Variants in CALN1 observed in about 807,000 individuals in gnomAD.
The protein encoded by CALN1 is calneuron 1.
A neutral mutation model predicts 30.6 loss-of-function variants in CALN1; 17 were observed. That is an observed-to-expected ratio of 0.56 (90% CI 0.38 to 0.83). The LOEUF (loss-of-function observed/expected upper bound fraction) is 0.83. CALN1 is among the 40% of genes least tolerant of loss of function. The probability of loss-of-function intolerance (pLI) is 0.00; values close to 1 mark genes in which losing one functional copy is unlikely to be tolerated. For synonymous variants in CALN1, 156 were observed against 131.4 expected (o/e 1.19, Z -1.28); for missense variants, 291 against 354.9 (o/e 0.82, Z 1.45).
At chr7:72,076,599 G>GA (rs1277903813) in intron 4 of CALN1, among the ~76,000 whole-genome samples, 13 of 29,436 alleles carry the variant, frequency 4.4e-4, no homozygotes, top group East Asian at 1.7e-3. Flanking sequence ...ACTCCGTCTA[G>GA]AAAAAAAAAA....
intron 2 of CALN1, among the ~76,000 whole-genome samples, chr7:72,341,494 G>C (rs923221522): frequency 6.6e-6 from 1 of 152,182 alleles, no homozygotes; most frequent in Non-Finnish European, 1.5e-5. Flanking sequence ...CTGCACTCCA[G>C]TCTGGGCAAC....
chr7:72,091,384 TAA>T (rs1032830589), intron 4 of CALN1, among the ~76,000 whole-genome samples: 1 of 151,530 alleles, frequency 6.6e-6, no homozygotes, highest in African/African-American at 2.4e-5. Flanking sequence ...TCAAAATAAC[TAA>T]AAGAGTGCAA....
At chr7:71,898,603 C>T (rs1485407127) in intron 5 of CALN1, among the ~76,000 whole-genome samples, 1 of 152,086 alleles carries the variant, frequency 6.6e-6, no homozygotes, top group African/African-American at 2.4e-5. Context: ...CTAAAATATA[C>T]AAGCCATGGT....
chr7:72,036,742 GTCTT>G lies in CALN1; in HGVS notation c.389-12977_389-12974del, dbSNP rs1378015196. On this transcript the variant is annotated intron_variant, in intron 4 of 6. Transcript: ENST00000395275. ...AAATTATTTTCTTGACTTTCTCAAT[GTCTT>G]TCTTTATTCTTTGTGTATTCGATCT... Among the ~76,000 whole-genome samples, 5 of 151,868 alleles carry G rather than the reference GTCTT, an allele frequency of 3.3e-5. No individual in the cohort carries two copies. In the East Asian group the frequency reaches 9.7e-4, roughly 29 times the overall value.
In CALN1 at chr7:71,781,881, G is replaced by A. The variant is rs1192949164; in HGVS notation, c.*5894C>T. On this transcript the variant is annotated 3_prime_UTR_variant, in exon 7 of 7. Coordinates refer to ENST00000395275, the MANE Select transcript of CALN1 (RefSeq NM_031468.4). ...TTCCACTTTCAGAGGACTGTCTTGT[G>A]GGTGGGACTGGAAAAACCTCATTCT... 6.6e-6 allele frequency: 1 copy of A among 152,194 alleles called. No individual in the cohort carries two copies. Among genetic ancestry groups the A allele is most frequent in the Admixed American group, 6.5e-5 (1 of 15,276 alleles). The allele number at this position is 152,194 out of a possible 1,614,324, so 9.4% of individuals were successfully genotyped here.
intron 3 of CALN1, among the ~76,000 whole-genome samples, chr7:72,273,550 T>C (rs1171442847): frequency 7.0e-6 from 1 of 143,072 alleles, no homozygotes; most frequent in African/African-American, 2.6e-5. Context: ...TCTTTCTTTC[T>C]CACCAAGGCT....
intron 3 of CALN1, among the ~76,000 whole-genome samples, chr7:72,185,884 T>C (rs1046094084): frequency 2.0e-5 from 3 of 152,248 alleles, no homozygotes; most frequent in African/African-American, 7.2e-5. Flanking sequence ...TTCACAGCCA[T>C]GTGGAACTGT....
chr7:72,393,523 T>C (rs1805718413), intron 2 of CALN1, among the ~76,000 whole-genome samples: 1 of 152,172 alleles, frequency 6.6e-6, no homozygotes, highest in Non-Finnish European at 1.5e-5. Context: ...AGTATGTTTT[T>C]AACAGTACAA....
intron 5 of CALN1, among the ~76,000 whole-genome samples, chr7:71,911,939 C>T (rs1303477875): frequency 6.6e-6 from 1 of 152,044 alleles, no homozygotes; most frequent in Non-Finnish European, 1.5e-5. Context: ...AGGGGCTTCA[C>T]CAAATCCCAG....
intron 3 of CALN1, among the ~76,000 whole-genome samples, chr7:72,132,205 C>T (rs1809198682): frequency 6.6e-6 from 1 of 152,124 alleles, no homozygotes; most frequent in Non-Finnish European, 1.5e-5. Context: ...TTTAATACAC[C>T]TAACCTACTG....
At chr7:71,853,332 A>G (rs1396002241) in intron 5 of CALN1, among the ~76,000 whole-genome samples, 2 of 152,070 alleles carry the variant, frequency 1.3e-5, no homozygotes, top group Non-Finnish European at 2.9e-5. Flanking sequence ...AAAATTGTAT[A>G]TATTATTATT....
intron 4 of CALN1, among the ~76,000 whole-genome samples, chr7:72,103,882 T>C (rs860013): frequency 0.75 from 113,465 of 151,924 alleles, 42,615 homozygotes; most frequent in East Asian, 0.97. Context: ...GCTCCAAAGC[T>C]TGCGGGTTAT....
intron 1 of CALN1, among the ~76,000 whole-genome samples, chr7:72,410,806 C>T (rs886519112): frequency 6.0e-5 from 8 of 132,652 alleles, no homozygotes; most frequent in African/African-American, 9.0e-5. Context: ...AGCACCCTAC[C>T]TTCTTACTTT....
chr7:72,164,650 A>C (rs1788389383), intron 3 of CALN1, among the ~76,000 whole-genome samples: 1 of 152,148 alleles, frequency 6.6e-6, no homozygotes, highest in South Asian at 2.1e-4. Flanking sequence ...GGCAGCCCAG[A>C]AACATGGTTA....
At chr7:72,212,214 T>C (rs1401266777) in intron 3 of CALN1, among the ~76,000 whole-genome samples, 2 of 151,960 alleles carry the variant, frequency 1.3e-5, no homozygotes, top group East Asian at 1.9e-4. Context: ...CCAGGCGTGG[T>C]GGCAGGCACC....
rs1181933030 is a variant in CALN1, at chr7:72,098,764, G to GCACA, written c.388+7383_388+7386dup. Reference sequence around the variant, plus strand: ...CTGAGCAGTTCAGCCCATTTGGCGCGCACACACACACACACACACACACAC... The same window carrying GCACA: ...CTGAGCAGTTCAGCCCATTTGGCGCGCACACACACACACACACACACACACACAC... On this transcript the variant is annotated intron_variant, in intron 4 of 6. Transcript: ENST00000395275. Among the ~76,000 whole-genome samples the GCACA allele has an allele frequency of 3.1e-3, 440 of 142,814 alleles. 2 individuals carry two copies. Among genetic ancestry groups the GCACA allele is most frequent in the African/African-American group, 0.011 (421 of 37,966 alleles). The allele number at this position is 142,814 out of a possible 152,430, so 93.7% of individuals were successfully genotyped here. A position where few individuals can be genotyped will look rare whatever the true frequency, so the allele number is the denominator to read the frequency against.
intron 5 of CALN1, among the ~76,000 whole-genome samples, chr7:71,894,472 G>T (rs1004113463): frequency 6.6e-5 from 10 of 151,970 alleles, no homozygotes; most frequent in Admixed American, 1.3e-4. Flanking sequence ...TCGTTATGTT[G>T]CCCAGGTTGT....
At chr7:72,259,815 C>A (rs1796151014) in intron 3 of CALN1, among the ~76,000 whole-genome samples, 1 of 152,298 alleles carries the variant, frequency 6.6e-6, no homozygotes, top group African/African-American at 2.4e-5. Flanking sequence ...CCTTTCTCCC[C>A]TAACTATGCA....
At chr7:72,412,480 T>C (rs546119202), upstream of CALN1, 1 of 152,228 alleles carries the variant, frequency 6.6e-6, no homozygotes, top group South Asian at 2.1e-4. Flanking sequence ...GATTGGTCCA[T>C]TTTTACAGAA....
Sources: allele counts gnomAD v4.1 joint callset (sites outside exome capture counted in the v4.1 genomes callset), GRCh38; gene constraint gnomAD v4.1.1; transcripts MANE v1.5; gene names NCBI Gene and HGNC (gene_info 2026-07-23, HGNC 2026-07-21).